The following CTNNA2 variants were observed in gnomAD, a reference collection of about 807,000 sequenced individuals.
CTNNA2 encodes the protein catenin alpha-2.
In CTNNA2, 42 loss-of-function variants were observed where a neutral mutation model predicts 101.0. The observed-to-expected ratio is 0.42, with a 90% confidence interval of 0.32 to 0.54. The LOEUF (loss-of-function observed/expected upper bound fraction) is 0.54. Among genes scored for constraint, CTNNA2 ranks in the 20% least tolerant of loss-of-function variants. CTNNA2 has a pLI of 0.14. For synonymous variants in CTNNA2, 450 were observed against 456.4 expected (o/e 0.99, Z 0.18); for missense variants, 871 against 1,223.1 (o/e 0.71, Z 4.29).
chr2:79,439,056 A>C (rs1442954194), intron 4 of CTNNA2, among the ~76,000 whole-genome samples: 1 of 152,220 alleles, frequency 6.6e-6, no homozygotes, highest in Non-Finnish European at 1.5e-5. Context: ...GGACCCAGTG[A>C]ACATGTTCCT....
chr2:79,648,698 C>T (rs557494801), intron 1 of CTNNA2, among the ~76,000 whole-genome samples: 22 of 152,178 alleles, frequency 1.4e-4, no homozygotes, highest in Non-Finnish European at 2.6e-4. Context: ...TACATATCAA[C>T]ATCATGGGTT....
intron 3 of CTNNA2, among the ~76,000 whole-genome samples, chr2:79,833,037 T>C (rs954260494): frequency 2.6e-5 from 4 of 152,330 alleles, no homozygotes; most frequent in African/African-American, 7.2e-5. Context: ...CATAGTGATA[T>C]ACGTATAAAT....
chr2:80,571,636 T>G (rs1364216229), intron 12 of CTNNA2, among the ~76,000 whole-genome samples: 3 of 152,200 alleles, frequency 2.0e-5, no homozygotes, highest in African/African-American at 7.2e-5. Flanking sequence ...ATGTTTCTTT[T>G]CCTACTCACA....
At chr2:79,762,164 C>T (rs1032261254) in intron 3 of CTNNA2, among the ~76,000 whole-genome samples, 1 of 152,118 alleles carries the variant, frequency 6.6e-6, no homozygotes, top group Admixed American at 6.6e-5. Context: ...TTTCTTGGAA[C>T]CATATATTTT....
intron 7 of CTNNA2, chr2:80,313,406 C>T (rs1433350606): frequency 2.8e-6 from 4 of 1,422,922 alleles, no homozygotes; most frequent in Non-Finnish European, 3.7e-6. Flanking sequence ...AAATGTGGTG[C>T]CTACCCTGTG....
At chr2:80,258,318 G>A (rs1215503742) in intron 7 of CTNNA2, among the ~76,000 whole-genome samples, 1 of 152,058 alleles carries the variant, frequency 6.6e-6, no homozygotes, top group Non-Finnish European at 1.5e-5. Context: ...TTTGCACTTA[G>A]GAAGCTTGCA....
chr2:79,718,219 A>G (rs1686236497), intron 2 of CTNNA2, among the ~76,000 whole-genome samples: 1 of 152,218 alleles, frequency 6.6e-6, no homozygotes, highest in Admixed American at 6.5e-5. Context: ...AATGAAGTTA[A>G]CAAGTACGTT....
At chr2:80,572,577 A>T (rs527453911) in intron 12 of CTNNA2, 2 of 152,336 alleles carry the variant, frequency 1.3e-5, no homozygotes, top group South Asian at 4.1e-4. Flanking sequence ...GAAGATACTT[A>T]TTCTCAAATT....
chr2:79,869,818 G>A lies in CTNNA2; in HGVS notation c.468G>A (p.Val156=), dbSNP rs369887746. The change falls in exon 5 of 19, where the codon GTG becomes GTA. Residue 156 remains valine, a splice_region_variant and synonymous_variant. Transcript: ENST00000402739. ...TATGTTGTTTTTCACCACTGCAGGTGGAAGAGGCCCTGGAAGCTGTCAAAA... is the reference window on the plus strand; with the variant it reads ...TATGTTGTTTTTCACCACTGCAGGTAGAAGAGGCCCTGGAAGCTGTCAAAA... ...VMRLLSHLKI[V]EEALEAVKNA... 3.1e-6 allele frequency: 5 copies of A among 1,613,136 alleles called. No individual in the cohort carries two copies. The African/African-American group carries it at 4.0e-5, about 13-fold the overall frequency.
intron 2 of CTNNA2, among the ~76,000 whole-genome samples, chr2:79,273,925 C>G (rs1675146875): frequency 6.6e-6 from 1 of 151,916 alleles, no homozygotes; most frequent in Non-Finnish European, 1.5e-5. Context: ...TGATTCCGCT[C>G]TTTGTGGTCT....
chr2:79,928,628 A>G (rs552752644), intron 7 of CTNNA2, among the ~76,000 whole-genome samples: 1 of 152,232 alleles, frequency 6.6e-6, no homozygotes, highest in African/African-American at 2.4e-5. Context: ...TGGAAAACCA[A>G]TGTGTCTGCC....
chr2:79,270,345 C>CT (rs1394375314), intron 2 of CTNNA2, among the ~76,000 whole-genome samples: 2 of 151,904 alleles, frequency 1.3e-5, no homozygotes, highest in Admixed American at 6.6e-5. Context: ...CTTTTTGGTC[C>CT]TTTTTTTTCT....
At chr2:80,067,881 G>A (rs141324857) in intron 7 of CTNNA2, among the ~76,000 whole-genome samples, 12 of 152,248 alleles carry the variant, frequency 7.9e-5, no homozygotes, top group South Asian at 2.1e-4. Context: ...TGAGTGAGCC[G>A]TCTTGGAAGT....
At chr2:79,539,349 G>C (rs771662565) in intron 1 of CTNNA2, among the ~76,000 whole-genome samples, 9 of 152,172 alleles carry the variant, frequency 5.9e-5, no homozygotes, top group Non-Finnish European at 1.3e-4. Flanking sequence ...GAAAGGCCTC[G>C]AGAAGGCCAT....
intron 7 of CTNNA2, among the ~76,000 whole-genome samples, chr2:80,092,030 C>T (rs1407912155): frequency 6.6e-6 from 1 of 152,078 alleles, no homozygotes; most frequent in African/African-American, 2.4e-5. Context: ...ATCTTATTTA[C>T]TTTTGTGTCT....
chr2:80,410,454 T>A (rs890254650), intron 8 of CTNNA2, among the ~76,000 whole-genome samples: 29 of 152,210 alleles, frequency 1.9e-4, no homozygotes, highest in African/African-American at 6.8e-4. Flanking sequence ...TCTTATGCAA[T>A]TAATATTCCT....
intron 3 of CTNNA2, among the ~76,000 whole-genome samples, chr2:79,808,482 T>C (rs1676751448): frequency 6.6e-6 from 1 of 152,212 alleles, no homozygotes; most frequent in Admixed American, 6.5e-5. Flanking sequence ...TCCCAAAGCA[T>C]CTGAAGCTAG....
intron 7 of CTNNA2, among the ~76,000 whole-genome samples, chr2:79,966,596 A>T (rs1690080897): frequency 6.6e-6 from 1 of 152,068 alleles, no homozygotes; most frequent in African/African-American, 2.4e-5. Flanking sequence ...GCAAGAGCAT[A>T]CCTGTGATCA....
intron 3 of CTNNA2, among the ~76,000 whole-genome samples, chr2:79,844,501 A>G (rs2103861769): frequency 6.6e-6 from 1 of 152,282 alleles, no homozygotes; most frequent in East Asian, 1.9e-4. Context: ...AGTGGGTCAC[A>G]TTTCCAGTAG....
Sources: gnomAD v4.1 joint callset for allele counts (sites outside exome capture counted in the v4.1 genomes callset) on GRCh38, gnomAD v4.1.1 for gene constraint, MANE v1.5 for transcripts, NCBI Gene and HGNC (gene_info 2026-07-23, HGNC 2026-07-21) for gene names.